Variants in PCID2 observed in about 807,000 individuals in gnomAD.
PCID2 encodes PCI domain-containing protein 2.
A neutral mutation model predicts 61.3 loss-of-function variants in PCID2; 41 were observed. That is an observed-to-expected ratio of 0.67 (90% confidence interval 0.52 to 0.87). The LOEUF (loss-of-function observed/expected upper bound fraction) is 0.87. PCID2 is among the 40% of genes least tolerant of loss of function. The pLI is 0.00. For synonymous variants in PCID2, 187 were observed against 177.8 expected, an observed-to-expected ratio of 1.05 and a Z score of -0.41; for missense variants, 392 against 493.4, an observed-to-expected ratio of 0.79 and a Z score of 1.95.
intron 7 of PCID2, 195 bp downstream of exon 7, chr13:113,190,677 C>T (rs2038536705): frequency 2.3e-6 from 1 of 426,680 alleles, no homozygotes; most frequent in Non-Finnish European, 4.1e-6. Context: ...CAAATGAAGA[C>T]TCTTTTTTCC....
At chr13:113,204,684 A>G (rs892759585) in intron 1 of PCID2, among the ~76,000 whole-genome samples, 25 of 152,176 alleles carry the variant, frequency 1.6e-4, no homozygotes, top group African/African-American at 6.0e-4. Flanking sequence ...AATGTGTCCC[A>G]GGGGTGGTCC....
Position 113,178,033 on chromosome 13 carries a change from G to C in PCID2, c.*165C>G. On this transcript the variant is annotated 3_prime_UTR_variant, in exon 14 of 14. Transcript: ENST00000337344. ...GCTGAAATTAGTTACAAATGAAGGA[G>C]ATTAACTCGGGTGTGCTGAAAATCT... 1 of 516,176 alleles carries C rather than the reference G, an allele frequency of 1.9e-6. No individual in the cohort carries two copies. The highest frequency in any genetic ancestry group is 3.4e-5 in the East Asian group (1 of 29,006). 32.0% of individuals were successfully genotyped at this position (516,176 alleles called of 1,614,324 possible).
At chr13:113,206,652 C>T (rs192699666) in intron 1 of PCID2, among the ~76,000 whole-genome samples, 1 of 152,288 alleles carries the variant, frequency 6.6e-6, no homozygotes, top group East Asian at 1.9e-4. Context: ...CATTCTGTAT[C>T]GAAGAGGCAC....
At chr13:113,183,836 G>A (rs1232543491) in intron 9 of PCID2, 14 of 985,232 alleles carry the variant, frequency 1.4e-5, no homozygotes, top group Non-Finnish European at 1.6e-5. Context: ...CACGCCGTGC[G>A]AGGCTGTTTA....
chr13:113,197,076 T>C (rs2039069874), intron 4 of PCID2, 102 bp downstream of exon 4: 3 of 1,614,222 alleles, frequency 1.9e-6, no homozygotes, highest in East Asian at 2.2e-5. Context: ...CCTTTCTAAC[T>C]GCAGAAATGA....
At chr13:113,178,879 A>G in intron 13 of PCID2, 87 bp downstream of exon 13, 6 of 1,404,826 alleles carry the variant, frequency 4.3e-6, no homozygotes, top group East Asian at 2.4e-5. Context: ...CCTTTTAACA[A>G]TTTTAACACC....
At chr13:113,208,241 G>A (rs1566996703) in intron 1 of PCID2, 1 of 1,453,784 alleles carries the variant, frequency 6.9e-7, no homozygotes, top group South Asian at 1.3e-5. Flanking sequence ...ACACAGCACC[G>A]CCCACAGCGG....
chr13:113,168,348 G>A, the PCID2 span, among the ~76,000 whole-genome samples: 6 of 152,278 alleles, frequency 3.9e-5, no homozygotes, highest in East Asian at 1.9e-4. Flanking sequence ...GCTGTGAGGC[G>A]TCTGGGGAAG....
At chr13:113,202,334 TC>T (rs1312534572) in intron 1 of PCID2, among the ~76,000 whole-genome samples, 4 of 152,098 alleles carry the variant, frequency 2.6e-5, no homozygotes, top group Non-Finnish European at 5.9e-5. Context: ...ATAAGGAATT[TC>T]CCCCCTGACT....
In PCID2 at chr13:113,208,651, G is replaced by C; in HGVS notation, c.-17C>G. 1 of 1,604,764 alleles carries C rather than the reference G, an allele frequency of 6.2e-7. No homozygotes were observed. The highest frequency in any genetic ancestry group is 2.3e-5 in the East Asian group (1 of 44,260). ...GTGCGCCATGGGAGCGCCGCCGAAC[G>C]GAGAGCGCCACCCCCTACGCCTCAA... On this transcript the variant is annotated 5_prime_UTR_variant, in exon 1 of 14. Coordinates refer to ENST00000337344, the MANE Select transcript of PCID2 (RefSeq NM_001127202.4).
intron 2 of PCID2, among the ~76,000 whole-genome samples, chr13:113,198,965 T>C (rs543860459): frequency 6.6e-6 from 1 of 152,240 alleles, no homozygotes; most frequent in Non-Finnish European, 1.5e-5. Context: ...TCTTCTCGGC[T>C]TCCTGCTGAG....
chr13:113,200,394 G>A lies in PCID2; in HGVS notation c.126+33C>T, dbSNP rs769332136. 1.6e-5 allele frequency: 20 copies of A among 1,288,174 alleles called. 1 individual carries two copies. The highest frequency in any genetic ancestry group is 1.9e-5 in the Non-Finnish European group (17 of 882,724). The allele number at this position is 1,288,174 out of a possible 1,614,324, so 79.8% of individuals were successfully genotyped here. ...GAAAGTGGTTACCCTGTAATTGTCT[G>A]CAGACACCTGTGTGCACAGCTCTTT... On this transcript the variant is annotated intron_variant, in intron 2 of 13. Transcript: ENST00000337344.
At position 113,179,578 on chromosome 13, in the gene PCID2, AC is replaced by A. The variant is rs1303776212; in HGVS notation, c.986+338del. 6.6e-6 allele frequency among the ~76,000 whole-genome samples: 1 copy of A among 152,150 alleles called. No homozygotes were observed. The highest frequency in any genetic ancestry group is 1.5e-5 in the Non-Finnish European group (1 of 68,020). ...ACAGGCAGAAGTGGCTGGGAGGGCTACTTGGTCAGCACTAAGGGAGGGGAGT... is the reference window on the plus strand; with the variant it reads ...ACAGGCAGAAGTGGCTGGGAGGGCTATTGGTCAGCACTAAGGGAGGGGAGT... On this transcript the variant is annotated intron_variant, in intron 12 of 13. Transcript: ENST00000337344. The surrounding 1 kb of genome is among the most constrained non-coding windows in gnomAD (Gnocchi z 4.3).
chr13:113,171,866 G>A, the PCID2 span: 5 of 1,613,710 alleles, frequency 3.1e-6, no homozygotes, highest in South Asian at 5.5e-5. This position sits in a 1 kb window ranked among gnomAD's most constrained non-coding sequence, Gnocchi z 5.1. Flanking sequence ...TGTCACACTT[G>A]TGGAGGGGGA....
At chr13:113,185,406 G>T in intron 8 of PCID2, 79 bp downstream of exon 8, 1 of 959,430 alleles carries the variant, frequency 1.0e-6, no homozygotes, top group Non-Finnish European at 1.7e-6. Flanking sequence ...AGGGAGGCTA[G>T]CTGATATATA....
chr13:113,165,815 G>C, the PCID2 span, among the ~76,000 whole-genome samples: 1 of 152,222 alleles, frequency 6.6e-6, no homozygotes. Flanking sequence ...ACAGGCGTGA[G>C]CCACCACGCC....
At chr13:113,180,296 T>C (rs2037517095) in intron 10 of PCID2, 65 bp from the exon 11 acceptor site, 1 of 1,240,098 alleles carries the variant, frequency 8.1e-7, no homozygotes, top group African/African-American at 1.5e-5. Flanking sequence ...TGATAAATAT[T>C]CATATCAAGG....
the PCID2 span, among the ~76,000 whole-genome samples, chr13:113,167,731 C>T: frequency 6.6e-6 from 1 of 152,042 alleles, no homozygotes; most frequent in Non-Finnish European, 1.5e-5. Context: ...CATTTTTATC[C>T]AGTGTGAAAA....
rs1317919565 is a variant in PCID2 at position 113,195,018 on chromosome 13, G to T, written c.363+53C>A. The T allele has an allele frequency of 2.5e-5, 30 of 1,218,814 alleles. 1 individual carries two copies. The South Asian group carries it at 3.6e-4, about 15-fold the overall frequency. The allele number at this position is 1,218,814 out of a possible 1,614,324, so 75.5% of individuals were successfully genotyped here. On this transcript the variant is annotated intron_variant, in intron 6 of 13. Coordinates refer to ENST00000337344, the MANE Select transcript of PCID2 (RefSeq NM_001127202.4). ...AAGAATGACATGAAATTAAACAACA[G>T]ATAGTCACCAAGTTTTAGTTTTAAA...
Sources: allele counts gnomAD v4.1 joint callset (sites outside exome capture counted in the v4.1 genomes callset), GRCh38; gene constraint gnomAD v4.1.1; non-coding constraint Gnocchi (gnomAD v3.1); transcripts MANE v1.5; gene names NCBI Gene and HGNC (gene_info 2026-07-23, HGNC 2026-07-21).